C9orf153: variants seen among roughly 807,000 people sequenced by gnomAD.
The protein encoded by C9orf153 is uncharacterized protein C9orf153.
Under a neutral mutation model 9.0 loss-of-function variants are expected in C9orf153, and 10 were observed. The ratio of observed to expected loss-of-function variants is 1.11; its 90% CI spans 0.69 to 1.89. The LOEUF (loss-of-function observed/expected upper bound fraction) is 1.89. C9orf153 is among the 40% of genes most tolerant of loss of function. C9orf153 has a pLI of 0.00. For missense variants in C9orf153, 108 were observed against 111.0 expected, an observed-to-expected ratio of 0.97 and a Z score of 0.12; for synonymous variants, 35 against 37.3, an observed-to-expected ratio of 0.94 and a Z score of 0.23.
At chr9:86,241,165 C>T (rs1424704434) in intron 1 of C9orf153, among the ~76,000 whole-genome samples, 2 of 152,314 alleles carry the variant, frequency 1.3e-5, no homozygotes, top group Non-Finnish European at 2.9e-5. Context: ...ACCAACTCAC[C>T]TAGTATATAT....
At chr9:86,249,316 G>C (rs1358201128) in intron 1 of C9orf153, among the ~76,000 whole-genome samples, 1 of 152,170 alleles carries the variant, frequency 6.6e-6, no homozygotes, top group East Asian at 1.9e-4. Context: ...CTTCCTTCCT[G>C]TTCCCTTCCA....
intron 3 of C9orf153, chr9:86,227,459 C>T (rs2131175547): frequency 1.4e-6 from 2 of 1,424,052 alleles, no homozygotes; most frequent in African/African-American, 1.5e-5. Flanking sequence ...TGCTGTAGGT[C>T]AGTATTGGAC....
chr9:86,255,246 T>G (rs1371818100), intron 1 of C9orf153, among the ~76,000 whole-genome samples: 2 of 152,174 alleles, frequency 1.3e-5, no homozygotes, highest in African/African-American at 4.8e-5. Context: ...TGTGAAAGTT[T>G]TTTAAAGTTT....
chr9:86,238,771 T>C (rs1342073778), intron 1 of C9orf153, among the ~76,000 whole-genome samples: 1 of 151,696 alleles, frequency 6.6e-6, no homozygotes, highest in African/African-American at 2.4e-5. Context: ...TCCAGAGATG[T>C]GAAAAAGGTA....
At position 86,220,311 on chromosome 9, in the gene C9orf153, G is replaced by A. The variant is rs918722756; in HGVS notation, c.*1377C>T. The A allele has an allele frequency of 6.6e-6, 1 of 152,098 alleles. No individual in the cohort carries two copies. Among genetic ancestry groups the A allele is most frequent in the African/African-American group, 2.4e-5 (1 of 41,418 alleles). 9.4% of individuals were successfully genotyped at this position (152,098 alleles called of 1,614,324 possible). ...CTACACAATCATACACACATATATT[G>A]TTAACAATTTGCTTGCCATTATTTC... On this transcript the variant is annotated 3_prime_UTR_variant, in exon 4 of 4. Transcript: ENST00000339137.
rs373316494 is a variant in C9orf153 at position 86,241,623 on chromosome 9, ATTTCGTTGTTTTTT to A, written c.-26-12008_-26-11995del. 3.6e-3 allele frequency among the ~76,000 whole-genome samples: 546 copies of A among 151,868 alleles called. 6 individuals are homozygous for A. The highest frequency in any genetic ancestry group is 0.012 in the African/African-American group (511 of 41,394). ...CAAGGTTTTATAGGAAAAGTCGTAC[ATTTCGTTGTTTTTT>A]TTTTCTGGAGATGGAGTCTTGCTCT... On this transcript the variant is annotated intron_variant, in intron 1 of 3. Coordinates refer to ENST00000339137, the MANE Select transcript of C9orf153 (RefSeq NM_001276366.4).
intron 3 of C9orf153, among the ~76,000 whole-genome samples, chr9:86,223,946 G>A (rs577124610): frequency 6.6e-6 from 1 of 152,224 alleles, no homozygotes; most frequent in South Asian, 2.1e-4. Context: ...AGAGAGATAA[G>A]TCAATGGGTT....
chr9:86,223,481 A>T (rs1370811978), intron 3 of C9orf153, among the ~76,000 whole-genome samples: 2 of 152,048 alleles, frequency 1.3e-5, no homozygotes, highest in Non-Finnish European at 1.5e-5. Context: ...TAAATAATAA[A>T]AAAAGAAGCT....
intron 3 of C9orf153, among the ~76,000 whole-genome samples, chr9:86,225,481 CGGAGTCTCACTCTGTTGCCCAGGCT>C (rs1824307827): frequency 6.7e-6 from 1 of 150,290 alleles, no homozygotes; most frequent in South Asian, 2.1e-4. Context: ...TTTTTTGAGA[CGGAGTCTCACTCTGTTGCCCAGGCT>C]GGAGTGTAGT....
intron 1 of C9orf153, among the ~76,000 whole-genome samples, chr9:86,246,953 C>T (rs957013103): frequency 4.6e-5 from 7 of 152,228 alleles, no homozygotes; most frequent in African/African-American, 1.7e-4. Flanking sequence ...TAGAGGCAGG[C>T]TCCCAGGGGA....
chr9:86,242,520 A>G (rs1291670860), intron 1 of C9orf153, among the ~76,000 whole-genome samples: 2 of 152,204 alleles, frequency 1.3e-5, no homozygotes, highest in Non-Finnish European at 2.9e-5. Flanking sequence ...AAACTTATTA[A>G]TTAAAAATGC....
At chr9:86,252,994 C>CT (rs35571795) in intron 1 of C9orf153, among the ~76,000 whole-genome samples, 67,600 of 149,698 alleles carry the variant, frequency 0.45, 15,307 homozygotes, top group Middle Eastern at 0.57. Flanking sequence ...GTTAAGAAAA[C>CT]TTTTTTTTTT....
intron 1 of C9orf153, among the ~76,000 whole-genome samples, chr9:86,256,175 GATC>G (rs1825119592): frequency 6.6e-6 from 1 of 152,180 alleles, no homozygotes. Context: ...GCTTATGTAA[GATC>G]ATCATACCTG....
chr9:86,228,065 C>T (rs777766205), intron 2 of C9orf153, 35 bp from the exon 3 acceptor site: 3 of 1,490,924 alleles, frequency 2.0e-6, no homozygotes, highest in Non-Finnish European at 2.7e-6. Context: ...AGTCACGAGA[C>T]TGACAAAAAT....
intron 1 of C9orf153, among the ~76,000 whole-genome samples, chr9:86,251,914 T>TACACACACACACACAAACAC (rs1825002333): frequency 7.1e-6 from 1 of 140,156 alleles, no homozygotes; most frequent in Non-Finnish European, 1.5e-5. Flanking sequence ...TTAGGTAAAC[T>TACACACACACACACAAACAC]ACACACACAC....
At chr9:86,227,806 G>A (rs117703701) in intron 3 of C9orf153, 49 bp downstream of exon 3, 36,391 of 1,567,604 alleles carry the variant, frequency 0.023, 513 homozygotes, top group Middle Eastern at 0.029. Context: ...AGCTGCGGTA[G>A]AGGAGCTCAA....
intron 1 of C9orf153, among the ~76,000 whole-genome samples, chr9:86,248,045 C>G (rs1824907794): frequency 6.6e-6 from 1 of 152,160 alleles, no homozygotes; most frequent in East Asian, 1.9e-4. Context: ...TTAGGTTTTT[C>G]CTGAGCTGGT....
chr9:86,236,951 A>C (rs1009672196), intron 1 of C9orf153, among the ~76,000 whole-genome samples: 42 of 151,608 alleles, frequency 2.8e-4, no homozygotes, highest in South Asian at 1.5e-3. Context: ...AAAAAAAAAA[A>C]AAAAACAAAA....
rs530208810 is a variant in C9orf153 at position 86,236,726 on chromosome 9, G to C, written c.-26-7097C>G. ...CTATATAAGGAAGTGAAAAGTATTA[G>C]AGAAGGAGTAAATGAAGATTAAAAT... On this transcript the variant is annotated intron_variant, in intron 1 of 3. Transcript: ENST00000339137. 4.6e-5 allele frequency among the ~76,000 whole-genome samples: 7 copies of C among 151,966 alleles called. No homozygotes were observed. The South Asian group carries it at 1.5e-3, about 31-fold the overall frequency.
Sources: gnomAD v4.1 joint callset for allele counts (sites outside exome capture counted in the v4.1 genomes callset) on GRCh38, gnomAD v4.1.1 for gene constraint, MANE v1.5 for transcripts, NCBI Gene and HGNC (gene_info 2026-07-23, HGNC 2026-07-21) for gene names.